The following MEAF6 variants were observed in gnomAD, a reference collection of about 807,000 sequenced individuals.
MEAF6 encodes chromatin modification-related protein MEAF6.
Under a neutral mutation model 28.9 loss-of-function variants are expected in MEAF6, and 15 were observed. The observed-to-expected ratio is 0.52, with a 90% CI of 0.35 to 0.80. The LOEUF is 0.80. Among genes scored for constraint, MEAF6 ranks in the 30% least tolerant of loss-of-function variants. The pLI, the probability that MEAF6 is intolerant of heterozygous loss-of-function variation, is 0.01. For missense variants in MEAF6, 178 were observed against 237.5 expected, an observed-to-expected ratio of 0.75 and a Z score of 1.65; for synonymous variants, 97 against 88.7, an observed-to-expected ratio of 1.09 and a Z score of -0.53.
Position 37,514,731 on chromosome 1 carries a change from T to C in MEAF6, c.16A>G (p.Lys6Glu). 6.6e-7 allele frequency: 1 copy of C among 1,518,070 alleles called. No individual in the cohort carries two copies. Among genetic ancestry groups the C allele is most frequent in the Non-Finnish European group, 8.8e-7 (1 of 1,137,090 alleles). 94.0% of individuals were successfully genotyped at this position (1,518,070 alleles called of 1,614,324 possible). A position where few individuals can be genotyped will look rare whatever the true frequency, so the allele number is the denominator to read the frequency against. MAMHN[K>E]AAPPQIPDTR... ...TCCGGGATCTGCGGCGGCGCCGCCT[T>C]GTTGTGCATCGCCATGTTGGGCTGA... The change falls in exon 1 of 7, where the codon AAG becomes GAG. Residue 6 changes from lysine to glutamate, a missense_variant. By Grantham distance (56) the Lys-to-Glu change is moderately conservative. Coordinates refer to ENST00000296214, the MANE Select transcript of MEAF6 (RefSeq NM_001270875.3).
intron 5 of MEAF6, among the ~76,000 whole-genome samples, chr1:37,498,524 A>G (rs1371054592): frequency 3.3e-5 from 5 of 151,794 alleles, no homozygotes; most frequent in Non-Finnish European, 7.4e-5. Context: ...TCCTGGGCTC[A>G]AGCAATCCTC....
chr1:37,494,078 G>C lies in MEAF6; in HGVS notation c.*21C>G, dbSNP rs777119753. 1 of 1,611,260 alleles carries C rather than the reference G, an allele frequency of 6.2e-7. No individual in the cohort carries two copies. The highest frequency in any genetic ancestry group is 1.1e-5 in the South Asian group (1 of 90,354). The stretch of plus-strand genomic sequence containing the variant: ...GGAAGCAGGGCTCTACAGCCTGGAA[G>C]CTTCTGCACTAATGTGTCTTCTAAT... On this transcript the variant is annotated 3_prime_UTR_variant, in exon 7 of 7. Transcript: ENST00000296214.
chr1:37,493,883 T>A lies in MEAF6; in HGVS notation c.*216A>T, dbSNP rs1642025039. The A allele has an allele frequency of 1.9e-6, 3 of 1,567,430 alleles. No homozygotes were observed. Among genetic ancestry groups the A allele is most frequent in the Admixed American group, 4.1e-5 (2 of 48,456 alleles). On this transcript the variant is annotated 3_prime_UTR_variant, in exon 7 of 7. Transcript: ENST00000296214. ...AACATTGTCTTCATCTTCCTGCAGT[T>A]CTGTTACTAAAAATGACATAAAGTA... is the stretch of plus-strand genomic sequence containing the variant.
At chr1:37,513,756 C>T (rs1425435206) in intron 1 of MEAF6, 2 of 575,098 alleles carry the variant, frequency 3.5e-6, no homozygotes, top group Non-Finnish European at 6.2e-6. Flanking sequence ...AAGCATGTCT[C>T]CAGAAAAATA....
In MEAF6 at chr1:37,514,665, C is replaced by A; in HGVS notation, c.82G>T (p.Glu28Ter). The change falls in exon 1 of 7, where the codon GAG becomes TAG. Residue 28 changes from glutamate to a stop codon, truncating the protein, a stop_gained. Transcript: ENST00000296214. LOFTEE classifies it high-confidence loss of function. ...ELAELVKRKQ[E>*]LAETLANLER... Reference sequence around the variant, plus strand: ...CTGTCCTAGCCCCTCACCGCCAGCTCCTGCTTCCGCTTCACGAGCTCCGCC... The same window carrying A: ...CTGTCCTAGCCCCTCACCGCCAGCTACTGCTTCCGCTTCACGAGCTCCGCC... 6.5e-7 allele frequency: 1 copy of A among 1,540,200 alleles called. No homozygotes were observed. The highest frequency in any genetic ancestry group is 8.7e-7 in the Non-Finnish European group (1 of 1,148,164).
chr1:37,496,766 C>T, intron 5 of MEAF6: 7 of 1,585,342 alleles, frequency 4.4e-6, no homozygotes, highest in Non-Finnish European at 6.0e-6. Flanking sequence ...AGGAAGAAAG[C>T]AATAGAAATT....
chr1:37,498,311 A>T (rs971499760), intron 5 of MEAF6, among the ~76,000 whole-genome samples: 2 of 152,150 alleles, frequency 1.3e-5, no homozygotes, highest in Admixed American at 6.6e-5. Flanking sequence ...CTTTGTTCAC[A>T]AATCAAAATA....
At chr1:37,513,963 G>GC (rs1057136002) in intron 1 of MEAF6, 28 of 202,700 alleles carry the variant, frequency 1.4e-4, no homozygotes, top group African/African-American at 5.5e-4. Flanking sequence ...CGCCGACACC[G>GC]GGCTGCCAGT....
chr1:37,495,704 CAAAAAAAA>C lies in MEAF6; in HGVS notation c.567+173_567+180del, dbSNP rs1217893546. Among the ~76,000 whole-genome samples the C allele has an allele frequency of 1.3e-3, 85 of 64,498 alleles. 2 individuals carry two copies. The highest frequency in any genetic ancestry group is 4.4e-3 in the African/African-American group (80 of 18,142). The allele number at this position is 64,498 out of a possible 152,430, so 42.3% of individuals were successfully genotyped here. ...TCTCTCAAAAAAAAAAAACAAAAAA[CAAAAAAAA>C]AAAAAAACAAAAAAACCACCTAAAA... On this transcript the variant is annotated intron_variant, in intron 6 of 6. Coordinates refer to ENST00000296214, the MANE Select transcript of MEAF6 (RefSeq NM_001270875.3).
At chr1:37,514,076 G>A (rs1642754977) in intron 1 of MEAF6, 1 of 168,178 alleles carries the variant, frequency 5.9e-6, no homozygotes, top group Non-Finnish European at 1.3e-5. Flanking sequence ...AGTGCATTGG[G>A]CCTTGGGTGC....
At chr1:37,502,453 C>CA (rs1642341674) in intron 4 of MEAF6, among the ~76,000 whole-genome samples, 2 of 147,442 alleles carry the variant, frequency 1.4e-5, no homozygotes, top group Non-Finnish European at 3.0e-5. Flanking sequence ...CAGTGATGTA[C>CA]AAAAAAAACT....
Position 37,493,409 on chromosome 1 carries a change from C to T in MEAF6, c.*690G>A, listed in dbSNP as rs556922546. 3 of 245,632 alleles carry T rather than the reference C, an allele frequency of 1.2e-5. No homozygotes were observed. Among genetic ancestry groups the T allele is most frequent in the African/African-American group, 6.7e-5 (3 of 45,068 alleles). 15.2% of individuals were successfully genotyped at this position (245,632 alleles called of 1,614,324 possible). ...TTTTCCATTTTTCCTGTTCCTTGAA[C>T]ATGAATCTACTACCAACTCAGAAAG... On this transcript the variant is annotated 3_prime_UTR_variant, in exon 7 of 7. Coordinates refer to ENST00000296214, the MANE Select transcript of MEAF6 (RefSeq NM_001270875.3).
chr1:37,508,144 T>A (rs113956406), intron 4 of MEAF6, among the ~76,000 whole-genome samples: 6,414 of 152,056 alleles, frequency 0.042, 421 homozygotes, highest in African/African-American at 0.15. Context: ...CTATAACCCA[T>A]CCCTGGAAAT....
intron 1 of MEAF6, 186 bp from the exon 2 acceptor site, chr1:37,513,724 GT>G: frequency 1.7e-6 from 1 of 603,368 alleles, no homozygotes; most frequent in Non-Finnish European, 3.0e-6. Flanking sequence ...ACCTTTGGGG[GT>G]GATGGACCCC....
intron 5 of MEAF6, among the ~76,000 whole-genome samples, chr1:37,498,776 G>T (rs1253448540): frequency 2.0e-5 from 3 of 152,056 alleles, no homozygotes; most frequent in Non-Finnish European, 4.4e-5. Context: ...TACCAGGAAT[G>T]ACATACTGTT....
chr1:37,491,636 C>T lies in MEAF6; in HGVS notation c.*2463G>A, dbSNP rs575583535. 1.1e-3 allele frequency among the ~76,000 whole-genome samples: 167 copies of T among 152,088 alleles called. No individual in the cohort carries two copies. Among genetic ancestry groups the T allele is most frequent in the South Asian group, 4.8e-3 (23 of 4,822 alleles). On this transcript the variant is annotated 3_prime_UTR_variant, in exon 7 of 7. Transcript: ENST00000296214. ...ATGGCTTGACCCCAGAAGTTCGAGG[C>T]TGCACTGAGCTTTGATCAGGCCGCT...
chr1:37,497,226 G>A (rs1642152762), intron 5 of MEAF6, among the ~76,000 whole-genome samples: 1 of 145,528 alleles, frequency 6.9e-6, no homozygotes. Context: ...CAAGTTATAT[G>A]GGTTTGTTTG....
chr1:37,495,692 AAAAACAAAAAAC>A (rs1557603834), intron 6 of MEAF6, among the ~76,000 whole-genome samples, 181 bp downstream of exon 6: 8 of 109,736 alleles, frequency 7.3e-5, no homozygotes, highest in African/African-American at 1.9e-4. Context: ...CTCAAAAAAA[AAAAACAAAAAAC>A]AAAAAAAAAA....
Position 37,501,901 on chromosome 1 carries a change from A to T in MEAF6, c.436T>A (p.Ser146Thr). Reference sequence around the variant, plus strand: ...TTCTGAGGTTTCACTCCCTGCACAGATCCATCCAGATCCTCAGGGTCCTCC... The same window carrying T: ...TTCTGAGGTTTCACTCCCTGCACAGTTCCATCCAGATCCTCAGGGTCCTCC... ...SQEDPEDLDG[S>T]VQGVKPQKAA... The change falls in exon 5 of 7, where the codon TCT becomes ACT. Residue 146 changes from serine to threonine, a missense_variant. Physicochemically the swap from Ser to Thr is moderately conservative, Grantham distance 58. Coordinates refer to ENST00000296214, the MANE Select transcript of MEAF6 (RefSeq NM_001270875.3). 1 of 1,612,040 alleles carries T rather than the reference A, an allele frequency of 6.2e-7. No homozygotes were observed. The highest frequency in any genetic ancestry group is 8.5e-7 in the Non-Finnish European group (1 of 1,178,388).
Sources: allele counts gnomAD v4.1 joint callset (sites outside exome capture counted in the v4.1 genomes callset), GRCh38; gene constraint gnomAD v4.1.1; transcripts MANE v1.5; gene names NCBI Gene and HGNC (gene_info 2026-07-23, HGNC 2026-07-21).